The following RYR2 variants were observed in gnomAD, a reference collection of about 807,000 sequenced individuals.
RYR2 encodes ryanodine receptor 2, also known as cardiac muscle ryanodine receptor-calcium release channel.
Under a neutral mutation model 601.1 loss-of-function variants are expected in RYR2, and 227 were observed. The ratio of observed to expected loss-of-function variants is 0.38; its 90% CI spans 0.34 to 0.42. The LOEUF (loss-of-function observed/expected upper bound fraction) is 0.42. Among genes scored for constraint, RYR2 ranks in the 10% least tolerant of loss-of-function variants. The pLI is 1.00. For synonymous variants in RYR2, 2,223 were observed against 2,175.1 expected (o/e 1.02, Z -0.61); for missense variants, 4,646 against 6,156.5 (o/e 0.75, Z 8.21).
intron 33 of RYR2, among the ~76,000 whole-genome samples, chr1:237,594,158 T>A (rs533749062): frequency 5.5e-4 from 84 of 152,160 alleles, no homozygotes; most frequent in Non-Finnish European, 1.1e-3. Context: ...CTGTGCCATC[T>A]TTTTTTCATT....
At position 237,479,514 on chromosome 1, in the gene RYR2, GC is replaced by G. The variant is rs1661795447; in HGVS notation, c.1708+10330del. Among the ~76,000 whole-genome samples the G allele has an allele frequency of 1.4e-5, 2 of 143,676 alleles. 1 individual carries two copies. The highest frequency in any genetic ancestry group is 1.4e-4 in the Admixed American group (2 of 14,806). The allele number at this position is 143,676 out of a possible 152,430, so 94.3% of individuals were successfully genotyped here. A position where few individuals can be genotyped will look rare whatever the true frequency, so the allele number is the denominator to read the frequency against. The stretch of plus-strand genomic sequence containing the variant: ...GATGCTATGCTCAGTTTACATTTCT[GC>G]CCAAAATGATAGCTCTCAATAAATA... On this transcript the variant is annotated intron_variant, in intron 17 of 104. Coordinates refer to ENST00000366574, the MANE Select transcript of RYR2 (RefSeq NM_001035.3).
In RYR2 at chr1:237,819,569, A is replaced by G. The variant is rs1230895748; in HGVS notation, c.14590+377A>G. ...TGCGGTGGCTCATGCCTGTAATCCA[A>G]GCACTTTGGGAGGCTGAAGGGGGAT... On this transcript the variant is annotated intron_variant, in intron 101 of 104. Coordinates refer to ENST00000366574, the MANE Select transcript of RYR2 (RefSeq NM_001035.3). This position sits in a 1 kb window ranked among gnomAD's most constrained non-coding sequence, Gnocchi z 4.0. Among the ~76,000 whole-genome samples, 2 of 152,154 alleles carry G rather than the reference A, an allele frequency of 1.3e-5. No individual in the cohort carries two copies. The highest frequency in any genetic ancestry group is 2.4e-5 in the African/African-American group (1 of 41,442).
intron 12 of RYR2, 150 bp downstream of exon 12, chr1:237,423,398 T>G (rs1290586598): frequency 3.5e-5 from 34 of 983,466 alleles, no homozygotes; most frequent in Non-Finnish European, 1.5e-6. Context: ...CATACATTCC[T>G]CTCTGGTAAA....
At chr1:237,275,034 A>G (rs1690120209) in intron 2 of RYR2, among the ~76,000 whole-genome samples, 1 of 151,980 alleles carries the variant, frequency 6.6e-6, no homozygotes, top group African/African-American at 2.4e-5. Context: ...CCCATCATTA[A>G]GTGATGCATG....
intron 27 of RYR2, among the ~76,000 whole-genome samples, chr1:237,560,301 G>T (rs184438222): frequency 6.6e-6 from 1 of 152,240 alleles, no homozygotes; most frequent in African/African-American, 2.4e-5. Flanking sequence ...AAGCTGCAAG[G>T]CTAACAAATT....
intron 90 of RYR2, 94 bp downstream of exon 90, chr1:237,785,066 C>G (rs1023922703): frequency 1.1e-6 from 1 of 908,886 alleles, no homozygotes; most frequent in Non-Finnish European, 1.7e-6. Context: ...AGTGCCAGAA[C>G]GGTGTTACCT....
chr1:237,545,480 TTCA>T (rs2148061672), intron 25 of RYR2, among the ~76,000 whole-genome samples: 1 of 152,290 alleles, frequency 6.6e-6, no homozygotes, highest in African/African-American at 2.4e-5. Context: ...ATATCGAAAC[TTCA>T]TCATCTGTGT....
intron 98 of RYR2, chr1:237,802,122 A>G (rs1255661015): frequency 2.7e-6 from 1 of 364,824 alleles, no homozygotes; most frequent in Non-Finnish European, 4.9e-6. Context: ...AAATAGTAAA[A>G]TGAAAATATA....
rs373111367 is a variant in RYR2, at chr1:237,179,706, G to A, written c.49-90791G>A. 3.3e-5 allele frequency among the ~76,000 whole-genome samples: 5 copies of A among 152,076 alleles called. No individual in the cohort carries two copies. In the East Asian group the frequency reaches 5.8e-4, roughly 18 times the overall value. Reference sequence around the variant, plus strand: ...CATATACCAGCTGCCCACCAGCTGCGTTGCTGATGGTGCTCTGGGGCTAGC... The same window carrying A: ...CATATACCAGCTGCCCACCAGCTGCATTGCTGATGGTGCTCTGGGGCTAGC... On this transcript the variant is annotated intron_variant, in intron 1 of 104. Transcript: ENST00000366574.
At chr1:237,377,645 C>T (rs372683403) in intron 8 of RYR2, among the ~76,000 whole-genome samples, 3 of 152,264 alleles carry the variant, frequency 2.0e-5, no homozygotes, top group South Asian at 4.1e-4. Context: ...TTCAGGCAGG[C>T]TTCCCTCATA....
At chr1:237,681,171 A>G (rs1685845788) in intron 62 of RYR2, among the ~76,000 whole-genome samples, 1 of 152,224 alleles carries the variant, frequency 6.6e-6, no homozygotes, top group Non-Finnish European at 1.5e-5. Context: ...ATACATGAGA[A>G]TCAATTACAG....
At chr1:237,259,886 TA>T (rs1177325102) in intron 1 of RYR2, among the ~76,000 whole-genome samples, 1 of 152,184 alleles carries the variant, frequency 6.6e-6, no homozygotes, top group Non-Finnish European at 1.5e-5. Flanking sequence ...AAGACTAGAT[TA>T]TTCTGTAATA....
intron 56 of RYR2, among the ~76,000 whole-genome samples, chr1:237,663,636 G>T (rs1348869237): frequency 6.6e-6 from 1 of 152,144 alleles, no homozygotes; most frequent in African/African-American, 2.4e-5. Context: ...ATGAGCATCG[G>T]CTTTGAAAGA....
Position 237,503,437 on chromosome 1 carries a change from G to A in RYR2, c.2545G>A (p.Asp849Asn), listed in dbSNP as rs372569289. The change falls in exon 22 of 105, where the codon GAC becomes AAC. Residue 849 changes from aspartate to asparagine, a missense_variant. Asp to Asn is a conservative substitution (Grantham distance 23). This residue lies in a region of RYR2 where 1,807 missense variants were observed against 2,088.1 expected (regional missense o/e 0.87). Coordinates refer to ENST00000366574, the MANE Select transcript of RYR2 (RefSeq NM_001035.3). ...CAAGCAAGAAAGAACTTACACACGCGACCTGCTGGGCCCCACAGTTTCCCT... is the reference window on the plus strand; with the variant it reads ...CAAGCAAGAAAGAACTTACACACGCAACCTGCTGGGCCCCACAGTTTCCCT... The part of the protein sequence containing the change: ...EYKQERTYTR[D>N]LLGPTVSLTQ... 3.2e-5 allele frequency: 51 copies of A among 1,613,698 alleles called. No individual in the cohort carries two copies. The highest frequency in any genetic ancestry group is 4.2e-5 in the Non-Finnish European group (49 of 1,179,874).
intron 1 of RYR2, among the ~76,000 whole-genome samples, chr1:237,100,485 C>T (rs1014859591): frequency 3.6e-4 from 54 of 151,870 alleles, no homozygotes; most frequent in African/African-American, 1.2e-3. Context: ...TTCCCAGATT[C>T]AAGTGATTCT....
At chr1:237,718,102 A>G (rs1689411011) in intron 72 of RYR2, among the ~76,000 whole-genome samples, 1 of 152,190 alleles carries the variant, frequency 6.6e-6, no homozygotes, top group South Asian at 2.1e-4. Context: ...TTACTGGGTC[A>G]TGGAGGATGT....
chr1:237,786,111 G>T (rs997863878), intron 91 of RYR2, 75 bp downstream of exon 91: 3 of 924,634 alleles, frequency 3.2e-6, no homozygotes, highest in African/African-American at 3.3e-5. Context: ...CTCTGTCTTT[G>T]GGAGCTGCAA....
chr1:237,667,143 A>G (rs1302970862), intron 57 of RYR2, among the ~76,000 whole-genome samples: 1 of 152,118 alleles, frequency 6.6e-6, no homozygotes, highest in Non-Finnish European at 1.5e-5. Flanking sequence ...TCACCAAGGA[A>G]CCTACTTTGA....
At chr1:237,315,622 G>A (rs934430420) in intron 2 of RYR2, among the ~76,000 whole-genome samples, 1 of 152,114 alleles carries the variant, frequency 6.6e-6, no homozygotes. Context: ...ATAGTGAATA[G>A]GTCCTGTGGA....
Sources: gnomAD v4.1 joint callset for allele counts (sites outside exome capture counted in the v4.1 genomes callset) on GRCh38, gnomAD v4.1.1 for gene constraint, gnomAD v4.1.1 regional missense constraint, Gnocchi (gnomAD v3.1) non-coding constraint, MANE v1.5 for transcripts, NCBI Gene and HGNC (gene_info 2026-07-23, HGNC 2026-07-21) for gene names.